SLC16A12: variants seen among roughly 807,000 people sequenced by gnomAD.
The protein encoded by SLC16A12 is solute carrier family 16 member 12.
A neutral mutation model predicts 42.4 loss-of-function variants in SLC16A12; 17 were observed. The ratio of observed to expected loss-of-function variants is 0.40; its 90% CI spans 0.27 to 0.60. The LOEUF (loss-of-function observed/expected upper bound fraction) is 0.60, where lower values mean the gene tolerates loss of function less well. SLC16A12 is among the 20% of genes least tolerant of loss of function. SLC16A12 has a pLI of 0.42. For synonymous variants in SLC16A12, 224 were observed against 229.4 expected (o/e 0.98, Z 0.21); for missense variants, 544 against 623.0 (o/e 0.87, Z 1.35).
At chr10:89,435,743 A>G (rs1455312154) in intron 7 of SLC16A12, among the ~76,000 whole-genome samples, 1 of 151,956 alleles carries the variant, frequency 6.6e-6, no homozygotes, top group Non-Finnish European at 1.5e-5. Flanking sequence ...TTCCCTCTGA[A>G]TGCACCCTAC....
At chr10:89,469,012 C>A (rs1315681245) in intron 2 of SLC16A12, among the ~76,000 whole-genome samples, 2 of 152,008 alleles carry the variant, frequency 1.3e-5, no homozygotes, top group Non-Finnish European at 2.9e-5. Context: ...TGCCGTAATC[C>A]CAGCTACTTG....
chr10:89,528,789 G>GT (rs1843496071), intron 2 of SLC16A12, among the ~76,000 whole-genome samples: 1 of 152,148 alleles, frequency 6.6e-6, no homozygotes, highest in Admixed American at 6.5e-5. Flanking sequence ...CCCTAGCCCT[G>GT]TATCTCAGAC....
At chr10:89,482,476 G>A (rs1842679161) in intron 2 of SLC16A12, among the ~76,000 whole-genome samples, 1 of 152,100 alleles carries the variant, frequency 6.6e-6, no homozygotes, top group Admixed American at 6.6e-5. Context: ...AGGATGAGAA[G>A]TCATAGTTAA....
intron 2 of SLC16A12, among the ~76,000 whole-genome samples, chr10:89,540,665 A>T (rs1034498977): frequency 6.6e-6 from 1 of 152,186 alleles, no homozygotes; most frequent in African/African-American, 2.4e-5. Context: ...TGGAGATTTT[A>T]AAATATCAGG....
intron 3 of SLC16A12, among the ~76,000 whole-genome samples, chr10:89,460,859 A>C (rs930284263): frequency 3.9e-5 from 6 of 152,146 alleles, no homozygotes; most frequent in African/African-American, 1.2e-4. Flanking sequence ...TCCCACCAAC[A>C]GTGTAAAATC....
At position 89,490,470 on chromosome 10, in the gene SLC16A12, G is replaced by C. The variant is rs992733005; in HGVS notation, c.-46-27846C>G. On this transcript the variant is annotated intron_variant, in intron 2 of 7. Transcript: ENST00000371790. ...TCTGATGGACCAGCTATAAATCAAG[G>C]GTTCCCACAACCCCCTCAATACTTT... 7.2e-5 allele frequency among the ~76,000 whole-genome samples: 11 copies of C among 152,002 alleles called. 1 individual carries two copies. Among genetic ancestry groups the C allele is most frequent in the Admixed American group, 7.2e-4 (11 of 15,250 alleles).
At chr10:89,441,820 G>A (rs534960061) in intron 4 of SLC16A12, among the ~76,000 whole-genome samples, 1 of 152,286 alleles carries the variant, frequency 6.6e-6, no homozygotes, top group African/African-American at 2.4e-5. Flanking sequence ...TGACATTCTG[G>A]TTGGTCTCAC....
At chr10:89,548,085 G>A (rs1252665943) in intron 2 of SLC16A12, among the ~76,000 whole-genome samples, 1 of 152,080 alleles carries the variant, frequency 6.6e-6, no homozygotes, top group East Asian at 1.9e-4. Context: ...AGGAAGGAAG[G>A]CAGTCTTGTT....
In SLC16A12 at chr10:89,438,998, C is replaced by T; in HGVS notation, c.634G>A (p.Gly212Ser). ...SWRGALLILGGFVLNLCVCGA... is the reference protein window; with the variant it reads ...SWRGALLILGSFVLNLCVCGA... ...CATACACAGAGATTCAAGACAAAGC[C>T]CCCAAGAATGAGTAAGGCTCCCCGC... The change falls in exon 6 of 8, where the codon GGC (glycine) becomes AGC (serine). Residue 212 changes from glycine (G) to serine (S), a missense_variant. Physicochemically the swap from Gly to Ser is moderately conservative, Grantham distance 56. Coordinates refer to ENST00000371790, the MANE Select transcript of SLC16A12 (RefSeq NM_213606.4). 1 of 1,614,098 alleles carries T rather than the reference C, an allele frequency of 6.2e-7. No homozygotes were observed. The highest frequency in any genetic ancestry group is 8.5e-7 in the Non-Finnish European group (1 of 1,180,020).
intron 7 of SLC16A12, among the ~76,000 whole-genome samples, chr10:89,434,928 T>A (rs1033099782): frequency 6.6e-6 from 1 of 152,246 alleles, no homozygotes; most frequent in African/African-American, 2.4e-5. Context: ...GAGACTCTGA[T>A]GCAGGTGGTG....
At chr10:89,546,747 A>T (rs2133887900) in intron 2 of SLC16A12, among the ~76,000 whole-genome samples, 1 of 152,330 alleles carries the variant, frequency 6.6e-6, no homozygotes, top group East Asian at 1.9e-4. Flanking sequence ...TGTTTATTGC[A>T]GCACTATTTA....
intron 7 of SLC16A12, 90 bp downstream of exon 7, chr10:89,435,970 G>A (rs2133679429): frequency 6.4e-7 from 1 of 1,561,192 alleles, no homozygotes; most frequent in Non-Finnish European, 8.8e-7. Context: ...TCTCTTGACA[G>A]TCCTTCTCAT....
At chr10:89,453,160 A>G (rs966791887) in intron 3 of SLC16A12, among the ~76,000 whole-genome samples, 1 of 152,212 alleles carries the variant, frequency 6.6e-6, no homozygotes, top group Non-Finnish European at 1.5e-5. Flanking sequence ...TTATATCAGA[A>G]CTTGGAGTAC....
intron 2 of SLC16A12, among the ~76,000 whole-genome samples, chr10:89,533,108 A>T (rs1843584876): frequency 6.6e-6 from 1 of 152,212 alleles, no homozygotes. Flanking sequence ...ATGTCAGCTC[A>T]TAAAAGTCAA....
chr10:89,440,851 C>A (rs1460909894), intron 5 of SLC16A12, among the ~76,000 whole-genome samples: 3 of 152,268 alleles, frequency 2.0e-5, no homozygotes, highest in Admixed American at 2.0e-4. Flanking sequence ...AGTACAGAAT[C>A]TCAGTCATAC....
chr10:89,476,733 GACT>G, intron 2 of SLC16A12, among the ~76,000 whole-genome samples: 1 of 152,334 alleles, frequency 6.6e-6, no homozygotes, highest in Non-Finnish European at 1.5e-5. Flanking sequence ...AACCCTAACT[GACT>G]ACATCTCTCT....
intron 5 of SLC16A12, among the ~76,000 whole-genome samples, chr10:89,440,073 C>CAAAAA (rs10674171): frequency 0.029 from 899 of 31,424 alleles, 164 homozygotes; most frequent in Non-Finnish European, 0.041. Context: ...GACCCTGTCT[C>CAAAAA]AAAAAAAAAA....
At chr10:89,508,761 A>G (rs917696778) in intron 2 of SLC16A12, among the ~76,000 whole-genome samples, 4 of 152,130 alleles carry the variant, frequency 2.6e-5, no homozygotes, top group Non-Finnish European at 5.9e-5. Context: ...GACACAAAAA[A>G]CCCTTCAAAA....
intron 3 of SLC16A12, among the ~76,000 whole-genome samples, chr10:89,447,237 C>T (rs936614897): frequency 2.6e-5 from 4 of 152,194 alleles, no homozygotes; most frequent in Admixed American, 2.0e-4. Context: ...GACTTGAATT[C>T]AGCTCTGCAC....
Sources: gnomAD v4.1 joint callset for allele counts (sites outside exome capture counted in the v4.1 genomes callset) on GRCh38, gnomAD v4.1.1 for gene constraint, MANE v1.5 for transcripts, NCBI Gene and HGNC (gene_info 2026-07-23, HGNC 2026-07-21) for gene names.